The following FHIT variants were observed in gnomAD, a reference collection of about 807,000 sequenced individuals.
FHIT encodes the protein fragile histidine triad diadenosine triphosphatase.
Under a neutral mutation model 17.9 loss-of-function variants are expected in FHIT, and 19 were observed. That is an observed-to-expected ratio of 1.06 (90% CI 0.74 to 1.56). The LOEUF is 1.56. FHIT is among the 40% of genes most tolerant of loss of function. The pLI, the probability that FHIT is intolerant of heterozygous loss-of-function variation, is 0.00. For missense variants in FHIT, 248 were observed against 189.2 expected (o/e 1.31, Z -1.82); for synonymous variants, 81 against 69.7 (o/e 1.16, Z -0.81).
At chr3:60,280,109 G>A (rs944080686) in intron 5 of FHIT, among the ~76,000 whole-genome samples, 1 of 150,990 alleles carries the variant, frequency 6.6e-6, no homozygotes, top group Non-Finnish European at 1.5e-5. Context: ...GTATCAACTG[G>A]CCAGAGAAGA....
intron 8 of FHIT, among the ~76,000 whole-genome samples, chr3:59,818,257 C>T (rs1275991109): frequency 1.3e-5 from 2 of 152,102 alleles, no homozygotes; most frequent in African/African-American, 4.8e-5. Context: ...CCACGTGGGG[C>T]TGTGCAAGCC....
At chr3:59,887,052 T>C (rs1703654119) in intron 8 of FHIT, among the ~76,000 whole-genome samples, 1 of 151,742 alleles carries the variant, frequency 6.6e-6, no homozygotes, top group African/African-American at 2.4e-5. Flanking sequence ...GTTGGCTAAG[T>C]GTGTATGGAG....
At chr3:59,975,352 C>G (rs1190348404) in intron 7 of FHIT, among the ~76,000 whole-genome samples, 1 of 151,954 alleles carries the variant, frequency 6.6e-6, no homozygotes, top group Non-Finnish European at 1.5e-5. Context: ...AAGTGGCTAC[C>G]TCTAAAAGGG....
At chr3:61,138,526 A>G (rs2036982245) in intron 2 of FHIT, among the ~76,000 whole-genome samples, 1 of 152,188 alleles carries the variant, frequency 6.6e-6, no homozygotes, top group Non-Finnish European at 1.5e-5. Context: ...CTGCAATGAC[A>G]CCTAAGGGAG....
Position 59,750,065 on chromosome 3 carries a change from G to A in FHIT, c.*6-486C>T, listed in dbSNP as rs1700807210. On this transcript the variant is annotated intron_variant, in intron 9 of 9. Coordinates refer to ENST00000492590, the MANE Select transcript of FHIT (RefSeq NM_002012.4). ...ACTGTGGCAATAGTTTGTGTAACAA[G>A]TTAGGGTAAATATCTTTCTGGTAAG... is the stretch of plus-strand genomic sequence containing the variant. 5 of 225,302 alleles carry A rather than the reference G, an allele frequency of 2.2e-5. No homozygotes were observed. The South Asian group carries it at 9.2e-4, about 41-fold the overall frequency. 14.0% of individuals were successfully genotyped at this position (225,302 alleles called of 1,614,324 possible).
At chr3:60,282,690 C>A (rs888269188) in intron 5 of FHIT, among the ~76,000 whole-genome samples, 3 of 151,898 alleles carry the variant, frequency 2.0e-5, no homozygotes, top group African/African-American at 7.3e-5. Flanking sequence ...GGAATAGTGG[C>A]GACACGGAAG....
chr3:61,047,416 A>G (rs2033845265), intron 2 of FHIT, among the ~76,000 whole-genome samples: 1 of 152,172 alleles, frequency 6.6e-6, no homozygotes, highest in Non-Finnish European at 1.5e-5. Context: ...TAGGAATGCA[A>G]CTTACAAAAG....
chr3:60,840,608 T>A (rs1310902320), intron 3 of FHIT, among the ~76,000 whole-genome samples: 2 of 152,218 alleles, frequency 1.3e-5, no homozygotes, highest in African/African-American at 2.4e-5. Context: ...GTAAAGAGTG[T>A]CTGTGTTTAT....
chr3:60,233,951 C>A (rs893179431), intron 5 of FHIT, among the ~76,000 whole-genome samples: 3 of 152,148 alleles, frequency 2.0e-5, no homozygotes, highest in African/African-American at 7.2e-5. Flanking sequence ...TCCATTAAAC[C>A]TCCTTCCTTT....
chr3:60,941,998 T>C (rs1708429514), intron 3 of FHIT, among the ~76,000 whole-genome samples: 1 of 152,172 alleles, frequency 6.6e-6, no homozygotes, highest in African/African-American at 2.4e-5. Context: ...GTTGTTGTTG[T>C]TGTTTTTGAG....
chr3:59,937,540 GCAACATTT>G (rs890162867), intron 7 of FHIT, among the ~76,000 whole-genome samples: 1 of 152,176 alleles, frequency 6.6e-6, no homozygotes, highest in Non-Finnish European at 1.5e-5. Context: ...GGGCCCACGT[GCAACATTT>G]TAAAACTGTG....
intron 5 of FHIT, among the ~76,000 whole-genome samples, chr3:60,200,746 T>C (rs1271696822): frequency 1.3e-5 from 2 of 152,156 alleles, no homozygotes; most frequent in African/African-American, 4.8e-5. Flanking sequence ...TAGAATGATT[T>C]ATTTTAATGC....
intron 4 of FHIT, among the ~76,000 whole-genome samples, chr3:60,575,084 T>C (rs2037521092): frequency 6.6e-6 from 1 of 152,086 alleles, no homozygotes; most frequent in African/African-American, 2.4e-5. Context: ...TCCAAAGAGT[T>C]TTCCTTCTGG....
At chr3:60,574,618 A>T (rs2037504621) in intron 4 of FHIT, among the ~76,000 whole-genome samples, 1 of 152,032 alleles carries the variant, frequency 6.6e-6, no homozygotes. Flanking sequence ...CAGGATTGTA[A>T]AGTTGTGTAA....
chr3:60,695,331 G>A (rs1377485422), intron 4 of FHIT, among the ~76,000 whole-genome samples: 1 of 152,174 alleles, frequency 6.6e-6, no homozygotes, highest in African/African-American at 2.4e-5. Flanking sequence ...AGGAGGCAAA[G>A]GTTGCAGTGA....
intron 5 of FHIT, among the ~76,000 whole-genome samples, chr3:60,029,367 A>T (rs750062999): frequency 6.6e-6 from 1 of 152,204 alleles, no homozygotes; most frequent in Non-Finnish European, 1.5e-5. Context: ...CAAATAAAAC[A>T]TATAGGTAAC....
chr3:61,213,600 G>C (rs756949977), intron 1 of FHIT, among the ~76,000 whole-genome samples: 3 of 152,284 alleles, frequency 2.0e-5, no homozygotes, highest in Middle Eastern at 3.4e-3. Context: ...AGATCAACAA[G>C]ACAGAAAGTT....
At chr3:59,845,007 A>T (rs565146811) in intron 8 of FHIT, among the ~76,000 whole-genome samples, 3 of 152,258 alleles carry the variant, frequency 2.0e-5, no homozygotes, top group African/African-American at 7.2e-5. Context: ...TTCATGACTT[A>T]GTCTCATAGG....
chr3:60,540,054 G>T (rs1023893429), intron 4 of FHIT, among the ~76,000 whole-genome samples: 1 of 152,084 alleles, frequency 6.6e-6, no homozygotes, highest in Admixed American at 6.6e-5. Flanking sequence ...CTCCCAGGAA[G>T]AGAGAGGGGC....
Sources: gnomAD v4.1 joint callset for allele counts (sites outside exome capture counted in the v4.1 genomes callset) on GRCh38, gnomAD v4.1.1 for gene constraint, MANE v1.5 for transcripts, NCBI Gene and HGNC (gene_info 2026-07-23, HGNC 2026-07-21) for gene names.